The following HAUS1 variants were observed in gnomAD, a reference collection of about 807,000 sequenced individuals.
HAUS1 encodes HAUS augmin like complex subunit 1, also known as HAUS augmin-like complex subunit 1.
A neutral mutation model predicts 38.6 loss-of-function variants in HAUS1; 25 were observed. That is an observed-to-expected ratio of 0.65 (90% confidence interval 0.47 to 0.91). The LOEUF is 0.91. HAUS1 is among the 40% of genes least tolerant of loss of function. The pLI, the probability that HAUS1 is intolerant of heterozygous loss-of-function variation, is 0.00. For missense variants in HAUS1, 325 were observed against 328.4 expected, an observed-to-expected ratio of 0.99 and a Z score of 0.08; for synonymous variants, 109 against 112.9, an observed-to-expected ratio of 0.97 and a Z score of 0.22.
In HAUS1 at chr18:46,123,299, G is replaced by A. The variant is rs1912002551; in HGVS notation, c.601G>A (p.Glu201Lys). 2 of 1,605,948 alleles carry A rather than the reference G, an allele frequency of 1.2e-6. No individual in the cohort carries two copies. The highest frequency in any genetic ancestry group is 1.7e-6 in the Non-Finnish European group (2 of 1,174,204). The change falls in exon 6 of 9, where the codon GAG (glutamate) becomes AAG (lysine). Residue 201 changes from glutamate (E) to lysine (K), a missense_variant and splice_region_variant. Glu to Lys is a moderately conservative substitution (Grantham distance 56). Transcript: ENST00000282058. ...EFRFGIKAAE[E>K]QLSARGMDAS... ...GAACTCCTTTTTTTGGTAATTGTAG[G>A]AGCAACTTTCAGCCAGAGGCATGGA...
intron 8 of HAUS1, 127 bp downstream of exon 8, chr18:46,125,918 A>G (rs1912091618): frequency 4.6e-6 from 3 of 648,684 alleles, no homozygotes; most frequent in South Asian, 1.9e-5. Context: ...GTTACTGTGT[A>G]TCATTCTCCT....
intron 2 of HAUS1, among the ~76,000 whole-genome samples, chr18:46,112,048 G>T (rs1911647945): frequency 6.7e-6 from 1 of 149,268 alleles, no homozygotes; most frequent in African/African-American, 2.4e-5. Context: ...ACCACACCCG[G>T]CTAACTTTTT....
rs115964988 is a variant in HAUS1, at chr18:46,108,381, C to G, written c.205+3013C>G. On this transcript the variant is annotated intron_variant, in intron 2 of 8. Coordinates refer to ENST00000282058, the MANE Select transcript of HAUS1 (RefSeq NM_138443.4). ...CTCAGGCTGGCCTTAAACTTCTGAC[C>G]CTGCCTCACCCTCCCAAAGTGCTGC... 6.9e-3 allele frequency among the ~76,000 whole-genome samples: 1,041 copies of G among 151,606 alleles called. 9 individuals are homozygous for G. Among genetic ancestry groups the G allele is most frequent in the African/African-American group, 0.024 (971 of 41,276 alleles).
chr18:46,110,807 A>G lies in HAUS1; in HGVS notation c.205+5439A>G, dbSNP rs187055598. Among the ~76,000 whole-genome samples, 351 of 151,026 alleles carry G rather than the reference A, an allele frequency of 2.3e-3. 5 individuals carry two copies. The highest frequency in any genetic ancestry group is 0.021 in the Admixed American group (318 of 15,162). On this transcript the variant is annotated intron_variant, in intron 2 of 8. Coordinates refer to ENST00000282058, the MANE Select transcript of HAUS1 (RefSeq NM_138443.4). ...TCTTCTGGCCTACATTATTTCACCA[A>G]GAAGTCAGCATTAATCTTACTGGGG...
chr18:46,122,725 A>G, intron 5 of HAUS1, 135 bp downstream of exon 5: 5 of 926,976 alleles, frequency 5.4e-6, no homozygotes, highest in Non-Finnish European at 8.2e-6. Context: ...CCAAGATTAC[A>G]TAGCTATTAC....
intron 2 of HAUS1, among the ~76,000 whole-genome samples, chr18:46,107,025 A>AATT (rs1599805022): frequency 2.6e-5 from 4 of 152,160 alleles, no homozygotes; most frequent in African/African-American, 7.2e-5. Flanking sequence ...CAACAAAAAA[A>AATT]AATTAATTAA....
chr18:46,109,154 A>G (rs1321825645), intron 2 of HAUS1, among the ~76,000 whole-genome samples: 1 of 152,018 alleles, frequency 6.6e-6, no homozygotes, highest in African/African-American at 2.4e-5. Flanking sequence ...ACTTACAATC[A>G]TGGTTGAAGG....
At chr18:46,123,688 C>G (rs1220540063) in intron 6 of HAUS1, among the ~76,000 whole-genome samples, 4 of 152,118 alleles carry the variant, frequency 2.6e-5, no homozygotes, top group Non-Finnish European at 4.4e-5. Context: ...TTTCAGTAGA[C>G]AGTAAAATGC....
Position 46,119,901 on chromosome 18 carries a change from G to A in HAUS1, c.342-25G>A, listed in dbSNP as rs751249598. 4 of 1,557,848 alleles carry A rather than the reference G, an allele frequency of 2.6e-6. No individual in the cohort carries two copies. In the East Asian group the frequency reaches 6.9e-5, roughly 27 times the overall value. The stretch of plus-strand genomic sequence containing the variant: ...TATAATTATTGCCCATTAAGCCCAT[G>A]TATATGACCAGATTCTTCTTTTAGT... On this transcript the variant is annotated intron_variant, in intron 3 of 8. Coordinates refer to ENST00000282058, the MANE Select transcript of HAUS1 (RefSeq NM_138443.4).
intron 2 of HAUS1, among the ~76,000 whole-genome samples, chr18:46,105,855 A>G (rs1599803869): frequency 6.6e-6 from 1 of 152,192 alleles, no homozygotes; most frequent in Non-Finnish European, 1.5e-5. Flanking sequence ...TGGTAGGATT[A>G]GAGGCATGAG....
At chr18:46,110,137 A>C (rs1006929989) in intron 2 of HAUS1, among the ~76,000 whole-genome samples, 5 of 145,422 alleles carry the variant, frequency 3.4e-5, no homozygotes, top group South Asian at 2.1e-4. Flanking sequence ...TCTATCTAGC[A>C]GACTTTATTT....
At chr18:46,110,346 T>TG (rs1911593269) in intron 2 of HAUS1, among the ~76,000 whole-genome samples, 1 of 114,328 alleles carries the variant, frequency 8.7e-6, no homozygotes, top group Middle Eastern at 3.6e-3. Flanking sequence ...TTTTTTTTTT[T>TG]TTTTTTTTTT....
At chr18:46,107,051 T>C (rs776773406) in intron 2 of HAUS1, among the ~76,000 whole-genome samples, 4 of 152,000 alleles carry the variant, frequency 2.6e-5, no homozygotes, top group African/African-American at 9.7e-5. Flanking sequence ...TAATTAAAAA[T>C]TAACATACAG....
At chr18:46,109,353 G>A (rs550633717) in intron 2 of HAUS1, among the ~76,000 whole-genome samples, 1 of 152,234 alleles carries the variant, frequency 6.6e-6, no homozygotes, top group African/African-American at 2.4e-5. Flanking sequence ...CCTGACACGT[G>A]GGGATTACAA....
At chr18:46,107,181 CT>C (rs948596440) in intron 2 of HAUS1, among the ~76,000 whole-genome samples, 7 of 152,090 alleles carry the variant, frequency 4.6e-5, no homozygotes, top group Admixed American at 1.3e-4. Context: ...AAAACCTCCC[CT>C]GTGCCACTCC....
intron 2 of HAUS1, chr18:46,109,845 C>A (rs1212561356): frequency 6.6e-6 from 1 of 152,256 alleles, no homozygotes; most frequent in African/African-American, 2.4e-5. Flanking sequence ...TGGTCTCGAA[C>A]TCCTGACCTC....
chr18:46,116,660 A>C (rs1256283225), intron 2 of HAUS1, among the ~76,000 whole-genome samples: 1 of 152,070 alleles, frequency 6.6e-6, no homozygotes, highest in East Asian at 1.9e-4. Flanking sequence ...TCTCCTACGA[A>C]GATACACAAA....
intron 6 of HAUS1, among the ~76,000 whole-genome samples, chr18:46,123,907 C>A (rs1226130527): frequency 6.6e-6 from 1 of 151,674 alleles, no homozygotes; most frequent in Non-Finnish European, 1.5e-5. Flanking sequence ...ATTTTTTTCC[C>A]CTTGTTTTTA....
intron 2 of HAUS1, among the ~76,000 whole-genome samples, chr18:46,115,387 A>G (rs1457659553): frequency 6.0e-4 from 90 of 150,246 alleles, no homozygotes; most frequent in Admixed American, 1.5e-3. Context: ...TAAACCTGGG[A>G]GGCAGAGGTT....
Sources: allele counts gnomAD v4.1 joint callset (sites outside exome capture counted in the v4.1 genomes callset), GRCh38; gene constraint gnomAD v4.1.1; transcripts MANE v1.5; gene names NCBI Gene and HGNC (gene_info 2026-07-23, HGNC 2026-07-21).